The following HCN1 variants were observed in gnomAD, a reference collection of about 807,000 sequenced individuals.
The protein encoded by HCN1 is hyperpolarization activated cyclic nucleotide gated potassium channel 1.
In HCN1, 13 loss-of-function variants were observed where a neutral mutation model predicts 78.9. The ratio of observed to expected loss-of-function variants is 0.16; its 90% CI spans 0.11 to 0.26. The LOEUF (loss-of-function observed/expected upper bound fraction) is 0.26, where lower values mean the gene tolerates loss of function less well. Ranked by LOEUF, HCN1 falls within the 10% of genes least tolerant of loss-of-function variation. HCN1 has a pLI of 1.00. For synonymous variants in HCN1, 552 were observed against 455.5 expected (o/e 1.21, Z -2.70); for missense variants, 810 against 1,154.3 (o/e 0.70, Z 4.32).
chr5:45,472,071 C>G (rs1202837143), intron 2 of HCN1, among the ~76,000 whole-genome samples: 1 of 151,920 alleles, frequency 6.6e-6, no homozygotes, highest in Non-Finnish European at 1.5e-5. Flanking sequence ...GTGATGTGGT[C>G]TCTGTACTAC....
rs1219338298 is a variant in HCN1, at chr5:45,689,903, C to G, written c.425+5766G>C. ...CTAAAACAGCCTGTAAATATCATAACAGGAATGTCAACCTTGGAGAACCTA... is the reference window on the plus strand; with the variant it reads ...CTAAAACAGCCTGTAAATATCATAAGAGGAATGTCAACCTTGGAGAACCTA... On this transcript the variant is annotated intron_variant, in intron 1 of 7. Coordinates refer to ENST00000303230, the MANE Select transcript of HCN1 (RefSeq NM_021072.4). Among the ~76,000 whole-genome samples the G allele has an allele frequency of 2.6e-5, 4 of 152,210 alleles. No individual in the cohort carries two copies. The South Asian group carries it at 8.3e-4, about 32-fold the overall frequency.
At chr5:45,613,807 GA>G (rs957169806) in intron 2 of HCN1, among the ~76,000 whole-genome samples, 4 of 150,596 alleles carry the variant, frequency 2.7e-5, no homozygotes, top group African/African-American at 9.7e-5. Context: ...AGTAAAATTA[GA>G]AAAAAAAACT....
intron 3 of HCN1, among the ~76,000 whole-genome samples, chr5:45,445,556 GA>G (rs1740773595): frequency 6.6e-6 from 1 of 152,226 alleles, no homozygotes; most frequent in Non-Finnish European, 1.5e-5. Context: ...CATGCAGCTG[GA>G]GATCTGAGAA....
chr5:45,310,188 T>A (rs1745822187), intron 5 of HCN1, among the ~76,000 whole-genome samples: 1 of 152,070 alleles, frequency 6.6e-6, no homozygotes, highest in African/African-American at 2.4e-5. Context: ...ACTAAAGAGC[T>A]TCTACACACC....
intron 4 of HCN1, among the ~76,000 whole-genome samples, chr5:45,389,747 C>G (rs139124138): frequency 2.1e-3 from 321 of 152,234 alleles, no homozygotes; most frequent in African/African-American, 7.3e-3. Context: ...TTAATGGGCT[C>G]AAATTCCTGC....
At chr5:45,314,625 C>T (rs1242815194) in intron 5 of HCN1, among the ~76,000 whole-genome samples, 2 of 152,056 alleles carry the variant, frequency 1.3e-5, no homozygotes, top group African/African-American at 4.8e-5. Flanking sequence ...CATTAATGTG[C>T]TGTGTTCCAT....
rs760330276 is a variant in HCN1, at chr5:45,387,279, A to C, written c.1230+9213T>G. Among the ~76,000 whole-genome samples, 19 of 152,140 alleles carry C rather than the reference A, an allele frequency of 1.2e-4. No homozygotes were observed. In the East Asian group the frequency reaches 3.1e-3, roughly 25 times the overall value. On this transcript the variant is annotated intron_variant, in intron 4 of 7. Transcript: ENST00000303230. The stretch of plus-strand genomic sequence containing the variant: ...TTTTGACTTCAGAAAGTAAACTATA[A>C]TATCTTACTCTCATATTATTGTTTC...
chr5:45,372,666 AT>A lies in HCN1; in HGVS notation c.1231-19421del, dbSNP rs1411343378. Among the ~76,000 whole-genome samples, 4 of 79,352 alleles carry A rather than the reference AT, an allele frequency of 5.0e-5. 1 individual carries two copies. Among genetic ancestry groups the A allele is most frequent in the East Asian group, 5.5e-4 (1 of 1,808 alleles). 52.1% of individuals were successfully genotyped at this position (79,352 alleles called of 152,430 possible). The stretch of plus-strand genomic sequence containing the variant: ...ATAAAAATATATAAAACATTTATAT[AT>A]AAAAATATAAAATATTTATATATAA... On this transcript the variant is annotated intron_variant, in intron 4 of 7. Transcript: ENST00000303230.
intron 3 of HCN1, among the ~76,000 whole-genome samples, chr5:45,425,953 T>C (rs1458417450): frequency 1.3e-5 from 2 of 152,126 alleles, no homozygotes; most frequent in Admixed American, 1.3e-4. Flanking sequence ...TAGAACTTGA[T>C]GTGAAAGCAA....
At chr5:45,306,759 ATTAC>A (rs1016996227) in intron 5 of HCN1, among the ~76,000 whole-genome samples, 2 of 152,084 alleles carry the variant, frequency 1.3e-5, no homozygotes, top group Admixed American at 1.3e-4. Flanking sequence ...GTCAATTCAA[ATTAC>A]TTATGGCACT....
intron 2 of HCN1, among the ~76,000 whole-genome samples, chr5:45,469,270 C>G (rs1741339540): frequency 6.6e-6 from 1 of 151,808 alleles, no homozygotes; most frequent in African/African-American, 2.4e-5. Context: ...GCAAGCATAA[C>G]CTCATATGCT....
intron 5 of HCN1, among the ~76,000 whole-genome samples, chr5:45,346,786 C>G (rs1352096380): frequency 6.6e-6 from 1 of 152,224 alleles, no homozygotes; most frequent in African/African-American, 2.4e-5. Context: ...TGAGATCAAA[C>G]TGCAAGGCAG....
chr5:45,520,543 CTTA>C, intron 2 of HCN1, among the ~76,000 whole-genome samples: 1 of 152,078 alleles, frequency 6.6e-6, no homozygotes. Context: ...ATGTATTAAT[CTTA>C]TTTTCATGTT....
At chr5:45,295,473 C>T (rs1745469710) in intron 6 of HCN1, among the ~76,000 whole-genome samples, 1 of 151,936 alleles carries the variant, frequency 6.6e-6, no homozygotes, top group South Asian at 2.1e-4. Context: ...AAGACCTCTG[C>T]TAAGAAGACT....
Position 45,602,878 on chromosome 5 carries a change from C to T in HCN1, c.849+42307G>A, listed in dbSNP as rs143002941. 2.6e-4 allele frequency among the ~76,000 whole-genome samples: 40 copies of T among 152,114 alleles called. No homozygotes were observed. In the East Asian group the frequency reaches 5.0e-3, roughly 19 times the overall value. On this transcript the variant is annotated intron_variant, in intron 2 of 7. Transcript: ENST00000303230. ...ATTCTTAATAATCAGTGAAAGTAGA[C>T]GTGTGCTTAAGCTCATTATTTCTAG...
At chr5:45,311,625 G>A (rs1220298226) in intron 5 of HCN1, among the ~76,000 whole-genome samples, 2 of 152,300 alleles carry the variant, frequency 1.3e-5, no homozygotes. Context: ...TAAGTGTTAT[G>A]ATCCATGGAG....
chr5:45,280,933 G>T (rs780953192), intron 6 of HCN1, among the ~76,000 whole-genome samples: 3 of 151,566 alleles, frequency 2.0e-5, no homozygotes, highest in Non-Finnish European at 4.4e-5. Context: ...CAAGTGTCAG[G>T]TAACTCCAGT....
At position 45,353,082 on chromosome 5, in the gene HCN1, G is replaced by A. The variant is rs1746945049; in HGVS notation, c.1377+18C>T. On this transcript the variant is annotated intron_variant, in intron 5 of 7. Coordinates refer to ENST00000303230, the MANE Select transcript of HCN1 (RefSeq NM_021072.4). ...ACAATGATTATGTATTATGCATACTGAGGACAATAAATCTTACCTCTCTCA... is the reference window on the plus strand; with the variant it reads ...ACAATGATTATGTATTATGCATACTAAGGACAATAAATCTTACCTCTCTCA... The A allele has an allele frequency of 2.5e-6, 4 of 1,592,252 alleles. No individual in the cohort carries two copies. The South Asian group carries it at 3.3e-5, about 13-fold the overall frequency.
rs576510224 is a variant in HCN1, at chr5:45,319,043, G to C, written c.1378-15204C>G. 6.6e-5 allele frequency among the ~76,000 whole-genome samples: 10 copies of C among 151,932 alleles called. No homozygotes were observed. The South Asian group carries it at 2.1e-3, about 32-fold the overall frequency. On this transcript the variant is annotated intron_variant, in intron 5 of 7. Transcript: ENST00000303230. ...GGAGTTGATTCTTTTTAAATTTCAG[G>C]CTATATTTCATTTTATGGTTATACT...
Sources: allele counts gnomAD v4.1 joint callset (sites outside exome capture counted in the v4.1 genomes callset), GRCh38; gene constraint gnomAD v4.1.1; transcripts MANE v1.5; gene names NCBI Gene and HGNC (gene_info 2026-07-23, HGNC 2026-07-21).